METTL16: variants seen among roughly 807,000 people sequenced by gnomAD.
METTL16 encodes methyltransferase 16, RNA N6-adenosine, also known as RNA N(6)-adenosine-methyltransferase METTL16.
METTL16 carries 19 observed loss-of-function variants against 57.9 expected under a neutral mutation model. The ratio of observed to expected loss-of-function variants is 0.33; its 90% CI spans 0.23 to 0.48. METTL16 has a LOEUF of 0.48. Among genes scored for constraint, METTL16 ranks in the 20% least tolerant of loss-of-function variants. METTL16 has a pLI of 0.99. For synonymous variants in METTL16, 246 were observed against 255.6 expected, an observed-to-expected ratio of 0.96 and a Z score of 0.36; for missense variants, 434 against 691.5, an observed-to-expected ratio of 0.63 and a Z score of 4.18.
At chr17:2,423,383 C>G (rs535934166) in intron 8 of METTL16, among the ~76,000 whole-genome samples, 1 of 151,796 alleles carries the variant, frequency 6.6e-6, no homozygotes, top group Admixed American at 6.6e-5. Flanking sequence ...ATGTTTCAGA[C>G]AAGATGAGAC....
rs869134753 is a variant in METTL16, at chr17:2,417,085, T to TTTTTTA, written c.*2884_*2885insTAAAAA. On this transcript the variant is annotated 3_prime_UTR_variant, in exon 10 of 10. Transcript: ENST00000263092. ...TTTTTTTTTTTTTTTTTTTTTTTTT[T>TTTTTTA]GAGACAGTCCCACTTTGTCGCCCAG... 7.2e-6 allele frequency: 1 copy of TTTTTTA among 138,356 alleles called. No homozygotes were observed. Among genetic ancestry groups the TTTTTTA allele is most frequent in the African/African-American group, 2.9e-5 (1 of 34,948 alleles). The allele number at this position is 138,356 out of a possible 1,614,324, so 8.6% of individuals were successfully genotyped here.
chr17:2,443,779 G>A (rs954574083), intron 6 of METTL16, among the ~76,000 whole-genome samples: 4 of 152,150 alleles, frequency 2.6e-5, no homozygotes, highest in Non-Finnish European at 4.4e-5. Flanking sequence ...GATTACAGGG[G>A]TGAGCCACCG....
chr17:2,423,188 C>A (rs1436269487), intron 8 of METTL16, among the ~76,000 whole-genome samples: 1 of 151,828 alleles, frequency 6.6e-6, no homozygotes, highest in African/African-American at 2.4e-5. Context: ...CGGCCTCACA[C>A]TGCATACATA....
At chr17:2,500,014 A>G (rs1018683356) in intron 2 of METTL16, among the ~76,000 whole-genome samples, 4 of 152,190 alleles carry the variant, frequency 2.6e-5, no homozygotes, top group Admixed American at 2.0e-4. Flanking sequence ...TCGGCCTCCC[A>G]AAGTGATCTT....
At chr17:2,440,994 A>AAAAAAAAAAAAAAAAAAAAAG (rs1555616313) in intron 7 of METTL16, among the ~76,000 whole-genome samples, 1 of 118,898 alleles carries the variant, frequency 8.4e-6, no homozygotes, top group African/African-American at 4.7e-5. Context: ...AAAAAAAAAA[A>AAAAAAAAAAAAAAAAAAAAAG]AAGAAGAAGA....
chr17:2,425,618 A>AAACG (rs1361957770), intron 8 of METTL16, among the ~76,000 whole-genome samples: 7 of 152,236 alleles, frequency 4.6e-5, no homozygotes, highest in Non-Finnish European at 8.8e-5. Context: ...ACAAACAAAC[A>AAACG]AACAAACAAA....
At chr17:2,491,608 G>A (rs978036164) in intron 2 of METTL16, among the ~76,000 whole-genome samples, 1 of 152,158 alleles carries the variant, frequency 6.6e-6, no homozygotes, top group Non-Finnish European at 1.5e-5. Flanking sequence ...GGGCACGGTG[G>A]CTCACACCTG....
chr17:2,439,086 G>A (rs1212245561), intron 7 of METTL16, among the ~76,000 whole-genome samples: 1 of 152,080 alleles, frequency 6.6e-6, no homozygotes, highest in Admixed American at 6.6e-5. Flanking sequence ...AGTGGAAGTG[G>A]CGGTGGGAGT....
chr17:2,443,256 G>A (rs1051624411), intron 6 of METTL16, among the ~76,000 whole-genome samples: 1 of 152,146 alleles, frequency 6.6e-6, no homozygotes, highest in Admixed American at 6.6e-5. Flanking sequence ...TTACAAGCAT[G>A]AGCCACCATG....
chr17:2,460,644 G>A (rs548317257), intron 6 of METTL16, among the ~76,000 whole-genome samples: 4 of 152,244 alleles, frequency 2.6e-5, no homozygotes, highest in African/African-American at 9.6e-5. Flanking sequence ...CCAGCACTTT[G>A]GGAGGCCAAG....
Position 2,477,716 on chromosome 17 carries a change from T to C in METTL16, c.298A>G (p.Lys100Glu). The change falls in exon 3 of 10, where the codon AAA becomes GAA. Residue 100 changes from lysine to glutamate, a missense_variant. This residue lies in a region of METTL16 where 118 missense variants were observed against 280.0 expected (regional missense o/e 0.42). Coordinates refer to ENST00000263092, the MANE Select transcript of METTL16 (RefSeq NM_024086.4). The stretch of plus-strand genomic sequence containing the variant: ...TCAATTCCTCTTCGGAGAGTACTTT[T>C]GTCAGAATCCTGGTGACCGATCAGA... ...EDLIGHQDSD[K>E]STLRRGIDIG... The C allele has an allele frequency of 1.2e-6, 2 of 1,613,968 alleles. No individual in the cohort carries two copies. The highest frequency in any genetic ancestry group is 1.7e-6 in the Non-Finnish European group (2 of 1,179,796).
intron 6 of METTL16, among the ~76,000 whole-genome samples, chr17:2,445,315 G>A (rs1286400337): frequency 2.0e-5 from 3 of 152,054 alleles, no homozygotes; most frequent in African/African-American, 4.8e-5. Context: ...TATAGGCCTA[G>A]GTGTGTAGTA....
intron 1 of METTL16, among the ~76,000 whole-genome samples, chr17:2,510,969 G>T (rs574975418): frequency 1.3e-5 from 2 of 151,784 alleles, no homozygotes; most frequent in Admixed American, 1.3e-4. Context: ...GTTTCAAGAG[G>T]GTAAATATTT....
intron 6 of METTL16, among the ~76,000 whole-genome samples, chr17:2,447,140 G>A (rs961216895): frequency 5.6e-5 from 8 of 143,462 alleles, no homozygotes; most frequent in African/African-American, 2.0e-4. Flanking sequence ...AGCGAGGAGC[G>A]CCTCTTCCCC....
rs199995697 is a variant in METTL16 at position 2,420,385 on chromosome 17, C to T, written c.1274G>A (p.Gly425Asp). Reference sequence around the variant, plus strand: ...CCCACAGGGGGTCCTCTCCTGGGGGCCCCTGGCCAGTTCTTGGCTATTGCC... The same window carrying T: ...CCCACAGGGGGTCCTCTCCTGGGGGTCCCTGGCCAGTTCTTGGCTATTGCC... ...ESGNSQELAR[G>D]PQERTPCGPA... The change falls in exon 10 of 10, where the codon GGC becomes GAC. Residue 425 changes from glycine (G) to aspartate (D), a missense_variant. Around this residue, in one of 5 missense-constraint regions of METTL16, gnomAD observed 168 missense variants for 149.6 expected, o/e 1.12. Transcript: ENST00000263092. This position sits in a 1 kb window ranked among gnomAD's most constrained non-coding sequence, Gnocchi z 5.4. The T allele has an allele frequency of 1.1e-4, 183 of 1,613,150 alleles. 1 individual carries two copies. Among genetic ancestry groups the T allele is most frequent in the Non-Finnish European group, 1.5e-4 (174 of 1,179,998 alleles).
rs558106589 is a variant in METTL16 at position 2,419,659 on chromosome 17, C to A, written c.*311G>T. On this transcript the variant is annotated 3_prime_UTR_variant, in exon 10 of 10. Coordinates refer to ENST00000263092, the MANE Select transcript of METTL16 (RefSeq NM_024086.4). ...CAGACTCCACAAACAACCCTTCTGA[C>A]CTTGCAGAGGCAGTCCAGAGCTGAG... 3 of 555,682 alleles carry A rather than the reference C, an allele frequency of 5.4e-6. No homozygotes were observed. The highest frequency in any genetic ancestry group is 4.4e-5 in the Admixed American group (2 of 45,476). 34.4% of individuals were successfully genotyped at this position (555,682 alleles called of 1,614,324 possible).
chr17:2,446,189 C>T (rs1402135597), intron 6 of METTL16, among the ~76,000 whole-genome samples: 1 of 152,140 alleles, frequency 6.6e-6, no homozygotes, highest in Non-Finnish European at 1.5e-5. Context: ...CTGTAACAGC[C>T]AACATCATCA....
At chr17:2,452,940 A>G (rs745728540) in intron 6 of METTL16, among the ~76,000 whole-genome samples, 2 of 151,444 alleles carry the variant, frequency 1.3e-5, no homozygotes, top group African/African-American at 2.4e-5. Flanking sequence ...AGCTCACTGC[A>G]CCTCCACCTC....
chr17:2,476,071 G>A lies in METTL16; in HGVS notation c.328+1615C>T, dbSNP rs895365499. Among the ~76,000 whole-genome samples the A allele has an allele frequency of 7.9e-5, 12 of 152,294 alleles. No homozygotes were observed. In the East Asian group the frequency reaches 2.3e-3, roughly 29 times the overall value. On this transcript the variant is annotated intron_variant, in intron 3 of 9. Transcript: ENST00000263092. Reference sequence around the variant, plus strand: ...AGTATTTAAGAGACAAAGTCAACAGGAAACAGTGATAGATATTTTTTCACT... The same window carrying A: ...AGTATTTAAGAGACAAAGTCAACAGAAAACAGTGATAGATATTTTTTCACT...
Sources: gnomAD v4.1 joint callset for allele counts (sites outside exome capture counted in the v4.1 genomes callset) on GRCh38, gnomAD v4.1.1 for gene constraint, gnomAD v4.1.1 regional missense constraint, Gnocchi (gnomAD v3.1) non-coding constraint, MANE v1.5 for transcripts, NCBI Gene and HGNC (gene_info 2026-07-23, HGNC 2026-07-21) for gene names.